Variants in BPIFB1 observed in about 807,000 individuals in gnomAD.
BPIFB1 encodes BPI fold containing family B member 1.
BPIFB1 carries 34 observed loss-of-function variants against 55.1 expected under a neutral mutation model. The observed-to-expected ratio is 0.62, with a 90% CI of 0.47 to 0.82. The LOEUF is 0.82. Among genes scored for constraint, BPIFB1 ranks in the 40% least tolerant of loss-of-function variants. The pLI is 0.00. For synonymous variants in BPIFB1, 236 were observed against 245.3 expected, an observed-to-expected ratio of 0.96 and a Z score of 0.35; for missense variants, 532 against 593.1, an observed-to-expected ratio of 0.90 and a Z score of 1.07.
In BPIFB1 at chr20:33,303,994, G is replaced by A. The variant is rs201532809; in HGVS notation, c.1177G>A (p.Asp393Asn). The A allele has an allele frequency of 2.2e-4, 361 of 1,613,608 alleles. No individual in the cohort carries two copies. Among genetic ancestry groups the A allele is most frequent in the Admixed American group, 3.3e-4 (20 of 59,900 alleles). The change falls in exon 12 of 16, where the codon GAC becomes AAC. Residue 393 changes from aspartate to asparagine, a missense_variant. Transcript: ENST00000253354. ...SSEAQFYTKG[D>N]QLILNLNNIS... ...GGAAGCTCAGTTTTACACCAAAGGTGACCAACTTATACTCAACTTGAATAA... is the reference window on the plus strand; with the variant it reads ...GGAAGCTCAGTTTTACACCAAAGGTAACCAACTTATACTCAACTTGAATAA...
At chr20:33,297,019 G>A (rs984550155) in intron 6 of BPIFB1, among the ~76,000 whole-genome samples, 1 of 152,228 alleles carries the variant, frequency 6.6e-6, no homozygotes, top group Non-Finnish European at 1.5e-5. Context: ...CACCTCCCAG[G>A]TTCAAGCAAT....
At position 33,302,542 on chromosome 20, in the gene BPIFB1, G is replaced by A. The variant is rs767813590; in HGVS notation, c.981+130G>A. 91 of 1,014,000 alleles carry A rather than the reference G, an allele frequency of 9.0e-5. No individual in the cohort carries two copies. The Middle Eastern group carries it at 2.3e-3, about 26-fold the overall frequency. 62.8% of individuals were successfully genotyped at this position (1,014,000 alleles called of 1,614,324 possible). On this transcript the variant is annotated intron_variant, in intron 10 of 15. Transcript: ENST00000253354. ...GGACACTCAAACCGCATCCCTGTCCGCACAGAGATTTCAGTCTAGCAGGCC... is the reference window on the plus strand; with the variant it reads ...GGACACTCAAACCGCATCCCTGTCCACACAGAGATTTCAGTCTAGCAGGCC...
chr20:33,285,987 C>A, intron 1 of BPIFB1, 46 bp from the exon 2 acceptor site: 1 of 1,281,452 alleles, frequency 7.8e-7, no homozygotes, highest in Non-Finnish European at 1.1e-6. Flanking sequence ...GCATCATGGG[C>A]CTGCCCTTGG....
chr20:33,291,879 A>C, intron 5 of BPIFB1, 28 bp from the exon 6 acceptor site: 1 of 1,599,214 alleles, frequency 6.3e-7, no homozygotes, highest in South Asian at 1.1e-5. Flanking sequence ...ACCCTTCCTA[A>C]TGTCTCTCGT....
intron 3 of BPIFB1, 73 bp downstream of exon 3, chr20:33,288,955 A>T: frequency 6.7e-7 from 1 of 1,495,602 alleles, no homozygotes; most frequent in Non-Finnish European, 9.0e-7. Context: ...CTGCATGCTC[A>T]GTCAACCAGT....
chr20:33,304,658 C>T lies in BPIFB1; in HGVS notation c.1209-188C>T, dbSNP rs77452202. 6.1e-3 allele frequency among the ~76,000 whole-genome samples: 930 copies of T among 152,178 alleles called. 5 individuals carry two copies. Among genetic ancestry groups the T allele is most frequent in the African/African-American group, 0.019 (787 of 41,498 alleles). On this transcript the variant is annotated intron_variant, in intron 12 of 15. Coordinates refer to ENST00000253354, the MANE Select transcript of BPIFB1 (RefSeq NM_033197.3). ...TGGACTGCTATTTGTTTTCTGTGCCCCCTCTATGCCCCCCACCCCACCCCT... is the reference window on the plus strand; with the variant it reads ...TGGACTGCTATTTGTTTTCTGTGCCTCCTCTATGCCCCCCACCCCACCCCT...
chr20:33,289,017 C>A, intron 3 of BPIFB1, 135 bp downstream of exon 3: 1 of 1,063,238 alleles, frequency 9.4e-7, no homozygotes. Context: ...AACAAAGCCC[C>A]TCCGTCAAGA....
chr20:33,298,112 G>T (rs1600666491), intron 7 of BPIFB1, among the ~76,000 whole-genome samples: 1 of 152,106 alleles, frequency 6.6e-6, no homozygotes, highest in Non-Finnish European at 1.5e-5. Flanking sequence ...GCCATCACAC[G>T]CAGCCCCCGG....
intron 8 of BPIFB1, among the ~76,000 whole-genome samples, chr20:33,300,522 C>A (rs1051802999): frequency 3.3e-5 from 5 of 152,190 alleles, no homozygotes; most frequent in Non-Finnish European, 5.9e-5. Flanking sequence ...GCTGCACAGC[C>A]ATGCTGTGGC....
chr20:33,302,084 G>A (rs1213524719), intron 9 of BPIFB1, among the ~76,000 whole-genome samples: 1 of 152,156 alleles, frequency 6.6e-6, no homozygotes, highest in African/African-American at 2.4e-5. Context: ...CAGTAAAAAT[G>A]AAATCACCTC....
chr20:33,300,126 C>A, intron 8 of BPIFB1, 142 bp downstream of exon 8: 2 of 722,226 alleles, frequency 2.8e-6, no homozygotes, highest in Non-Finnish European at 2.4e-6. Context: ...AAAATCACTG[C>A]AGGCTGAATA....
rs199521304 is a variant in BPIFB1, at chr20:33,304,876, G to T, written c.1239G>T (p.Gly413=). The part of the protein sequence containing the change: ...SSDRIQLMNS[G]IGWFQPDVLK... ...ATCGGATCCAGCTGATGAACTCTGG[G>T]ATTGGCTGGTTCCAAGTAAGTGTTA... Residue 413 remains glycine (G), a synonymous_variant, in exon 13 of 16, where the codon GGG becomes GGT. Transcript: ENST00000253354. 1.2e-6 allele frequency: 2 copies of T among 1,614,178 alleles called. No homozygotes were observed. The highest frequency in any genetic ancestry group is 2.2e-5 in the South Asian group (2 of 91,084).
intron 5 of BPIFB1, 36 bp from the exon 6 acceptor site, chr20:33,291,871 C>G (rs778640951): frequency 9.5e-6 from 15 of 1,579,194 alleles, no homozygotes; most frequent in Middle Eastern, 1.7e-4. Context: ...CATCTCTGAC[C>G]CTTCCTAATG....
At chr20:33,307,058 G>A (rs1981054652) in intron 15 of BPIFB1, 71 bp downstream of exon 15, 1 of 1,435,156 alleles carries the variant, frequency 7.0e-7, no homozygotes, top group Non-Finnish European at 9.8e-7. Context: ...GCTGGGAGGT[G>A]GGGCCTGCAC....
chr20:33,283,456 G>A (rs1980161734), intron 1 of BPIFB1, among the ~76,000 whole-genome samples: 2 of 152,200 alleles, frequency 1.3e-5, no homozygotes, highest in Admixed American at 1.3e-4. Flanking sequence ...CAGTGACGAA[G>A]GGATGGGGCT....
chr20:33,293,458 T>C (rs1323511778), intron 6 of BPIFB1, among the ~76,000 whole-genome samples: 1 of 152,228 alleles, frequency 6.6e-6, no homozygotes, highest in East Asian at 1.9e-4. Context: ...TTGGGTTTAA[T>C]AATTTACGAA....
intron 1 of BPIFB1, among the ~76,000 whole-genome samples, chr20:33,285,597 A>T (rs1312561303): frequency 6.6e-6 from 1 of 151,388 alleles, no homozygotes; most frequent in Non-Finnish European, 1.5e-5. Context: ...GGGTGTCTGT[A>T]GTCCCAACTA....
intron 11 of BPIFB1, 121 bp downstream of exon 11, chr20:33,303,195 G>T: frequency 7.6e-7 from 1 of 1,309,162 alleles, no homozygotes; most frequent in Non-Finnish European, 1.1e-6. Context: ...AGGGACAGGG[G>T]ACAGGGAGCT....
chr20:33,293,761 A>C (rs561639222), intron 6 of BPIFB1, among the ~76,000 whole-genome samples: 1 of 152,326 alleles, frequency 6.6e-6, no homozygotes, highest in East Asian at 1.9e-4. Context: ...GGATCGCTTG[A>C]GTCTAGGATG....
Sources: gnomAD v4.1 joint callset for allele counts (sites outside exome capture counted in the v4.1 genomes callset) on GRCh38, gnomAD v4.1.1 for gene constraint, MANE v1.5 for transcripts, NCBI Gene and HGNC (gene_info 2026-07-23, HGNC 2026-07-21) for gene names.